Variants in CD24 observed in about 807,000 individuals in gnomAD.
CD24 encodes signal transducer CD24.
In CD24, 2 loss-of-function variants were observed where a neutral mutation model predicts 3.6. That is an observed-to-expected ratio of 0.56 (90% CI 0.23 to 1.77). The LOEUF is 1.77. CD24 is among the 40% of genes most tolerant of loss of function. The pLI is 0.18. For synonymous variants in CD24, 33 were observed against 44.9 expected (o/e 0.74, Z 1.06); for missense variants, 62 against 93.6 (o/e 0.66, Z 1.39).
rs917863848 is a variant in CD24, at chr6:106,972,392, T to C, written c.70-558A>G. Among the ~76,000 whole-genome samples, 396 of 152,350 alleles carry C rather than the reference T, an allele frequency of 2.6e-3. 2 individuals are homozygous for C. The highest frequency in any genetic ancestry group is 8.7e-3 in the African/African-American group (360 of 41,580). ...GCAGTCTTATCTTCTCCCTTGAAAT[T>C]TGAAATAGTAACTCTTCTAAAAAAT... On this transcript the variant is annotated intron_variant, in intron 1 of 1. Transcript: ENST00000606017.
chr6:106,973,578 C>G (rs1773027333), intron 1 of CD24: 1 of 398,174 alleles, frequency 2.5e-6, no homozygotes, highest in Non-Finnish European at 4.4e-6. Flanking sequence ...GGGGGAGAAG[C>G]CCCAGTGACA....
chr6:106,973,545 G>A (rs1020068224), intron 1 of CD24: 1 of 397,658 alleles, frequency 2.5e-6, no homozygotes, highest in Non-Finnish European at 4.4e-6. Flanking sequence ...TCTGGGGACG[G>A]AGGACGCAGC....
upstream of CD24, among the ~76,000 whole-genome samples, chr6:106,976,609 T>G (rs1773111222): frequency 1.3e-5 from 2 of 152,140 alleles, no homozygotes; most frequent in Non-Finnish European, 2.9e-5. Flanking sequence ...TTTAGGAGGC[T>G]GAGGAGGGCT....
At chr6:106,974,416 G>A (rs1773052978) in intron 1 of CD24, among the ~76,000 whole-genome samples, 162 bp downstream of exon 1, 1 of 152,142 alleles carries the variant, frequency 6.6e-6, no homozygotes, top group Non-Finnish European at 1.5e-5. Flanking sequence ...GAAAAATGGG[G>A]TCCACATGGC....
At chr6:106,974,387 G>C (rs1012621284) in intron 1 of CD24, among the ~76,000 whole-genome samples, 191 bp downstream of exon 1, 1 of 152,188 alleles carries the variant, frequency 6.6e-6, no homozygotes, top group Non-Finnish European at 1.5e-5. Context: ...GAGGAGGGGG[G>C]GCAGCACGCA....
intron 1 of CD24, 65 bp from the exon 2 acceptor site, chr6:106,971,899 ATAAAAT>A: frequency 9.4e-7 from 1 of 1,062,594 alleles, no homozygotes; most frequent in Non-Finnish European, 1.4e-6. Context: ...GTACTCTCAT[ATAAAAT>A]TAAAGTAGGT....
intron 1 of CD24, 86 bp from the exon 2 acceptor site, chr6:106,971,920 T>G: frequency 1.2e-6 from 1 of 863,982 alleles, no homozygotes; most frequent in Non-Finnish European, 1.8e-6. Flanking sequence ...GTAGGTGATA[T>G]ATTCTTAGAT....
At chr6:106,975,742 G>A (rs1773098639), upstream of CD24, 1 of 152,296 alleles carries the variant, frequency 6.6e-6, no homozygotes, top group Admixed American at 6.5e-5. Flanking sequence ...GAGCGGCTCT[G>A]CTCCCAGGTT....
chr6:106,971,851 G>C lies in CD24; in HGVS notation c.70-17C>G. The C allele has an allele frequency of 6.7e-7, 1 of 1,490,768 alleles. No homozygotes were observed. Among genetic ancestry groups the C allele is most frequent in the African/African-American group, 1.4e-5 (1 of 71,764 alleles). 92.3% of individuals were successfully genotyped at this position (1,490,768 alleles called of 1,614,324 possible). A position where few individuals can be genotyped will look rare whatever the true frequency, so the allele number is the denominator to read the frequency against. ...GGAATAAATCTAAAATACATAAAAA[G>C]TTACATGGATACATTTCCACATCAC... On this transcript the variant is annotated splice_polypyrimidine_tract_variant and intron_variant, in intron 1 of 1. Transcript: ENST00000606017.
chr6:106,973,852 C>G (rs1160877870), intron 1 of CD24: 3 of 398,556 alleles, frequency 7.5e-6, no homozygotes, highest in Non-Finnish European at 1.3e-5. Context: ...CGAACAAAGC[C>G]TGGCGGGGAC....
chr6:106,976,677 CTAGTCTCTACTAAAATT>C (rs1381221845), upstream of CD24, among the ~76,000 whole-genome samples: 13 of 152,178 alleles, frequency 8.5e-5, no homozygotes, highest in South Asian at 2.1e-4. Flanking sequence ...AACCTAAAAT[CTAGTCTCTACTAAAATT>C]TAGTCTCTAC....
chr6:106,974,198 G>A (rs1357719804), intron 1 of CD24, among the ~76,000 whole-genome samples: 1 of 152,146 alleles, frequency 6.6e-6, no homozygotes, highest in Non-Finnish European at 1.5e-5. Context: ...CAGGGACCCA[G>A]GGACAACGTC....
chr6:106,973,962 G>C (rs990931471), intron 1 of CD24: 13 of 398,336 alleles, frequency 3.3e-5, no homozygotes, highest in Admixed American at 1.3e-4. Context: ...GACGTGAAAG[G>C]TTGCCTCGCA....
chr6:106,975,133 C>G (rs1478388317), upstream of CD24: 1 of 152,160 alleles, frequency 6.6e-6, no homozygotes, highest in South Asian at 2.1e-4. Context: ...TGCCATCTTA[C>G]CCCCCAAAAG....
chr6:106,973,383 G>A (rs945574325), intron 1 of CD24: 1 of 338,760 alleles, frequency 3.0e-6, no homozygotes. Flanking sequence ...CCGGTTTCTC[G>A]CAGCCGCGCC....
chr6:106,971,769 C>T lies in CD24; in HGVS notation c.135G>A (p.Gly45=), dbSNP rs1206475854. 1 of 1,551,374 alleles carries T rather than the reference C, an allele frequency of 6.4e-7. No homozygotes were observed. The highest frequency in any genetic ancestry group is 1.4e-5 in the African/African-American group (1 of 73,006). The change falls in exon 2 of 2, where the codon GGG becomes GGA. Residue 45 remains glycine (G), a synonymous_variant. Transcript: ENST00000606017. ...TGGCATTAGTTGGATTTGGGGCCAA[C>T]CCAGAGTTGGAAGTACTCTGGGAGG... ...SNSSQSTSNS[G]LAPNPTNATT...
chr6:106,976,353 T>G (rs2114903964), upstream of CD24, among the ~76,000 whole-genome samples: 1 of 152,326 alleles, frequency 6.6e-6, no homozygotes, highest in South Asian at 2.1e-4. Flanking sequence ...TAAAACAAAG[T>G]AAGTTTCAGG....
intron 1 of CD24, chr6:106,973,824 G>C: frequency 2.5e-6 from 1 of 398,580 alleles, no homozygotes. Flanking sequence ...TAGGGAGACC[G>C]CGCTGGTAGC....
At position 106,970,278 on chromosome 6, in the gene CD24, T is replaced by C. The variant is rs1206620021; in HGVS notation, c.*1383A>G. On this transcript the variant is annotated 3_prime_UTR_variant, in exon 2 of 2. Coordinates refer to ENST00000606017, the MANE Select transcript of CD24 (RefSeq NM_001359084.1). ...TATTGACTGATAACAAAAAGTGTTC[T>C]AAATGTGGCTATTCTGATCCATAGT... The C allele has an allele frequency of 0.14, 21,071 of 152,634 alleles. 1,521 individuals are homozygous for C. Among genetic ancestry groups the C allele is most frequent in the Middle Eastern group, 0.19 (57 of 294 alleles). The allele number at this position is 152,634 out of a possible 1,614,324, so 9.5% of individuals were successfully genotyped here.
Sources: allele counts gnomAD v4.1 joint callset (sites outside exome capture counted in the v4.1 genomes callset), GRCh38; gene constraint gnomAD v4.1.1; transcripts MANE v1.5; gene names NCBI Gene and HGNC (gene_info 2026-07-23, HGNC 2026-07-21).